Variants in CAMTA1 observed in about 807,000 individuals in gnomAD.
CAMTA1 encodes the protein calmodulin binding transcription activator 1.
CAMTA1 carries 27 observed loss-of-function variants against 170.9 expected under a neutral mutation model. The ratio of observed to expected loss-of-function variants is 0.16; its 90% confidence interval spans 0.12 to 0.22. The LOEUF (loss-of-function observed/expected upper bound fraction) is 0.22. Ranked by LOEUF, CAMTA1 falls within the 10% of genes least tolerant of loss-of-function variation. The pLI is 1.00. For synonymous variants in CAMTA1, 833 were observed against 891.5 expected (o/e 0.93, Z 1.17); for missense variants, 1,619 against 2,217.2 (o/e 0.73, Z 5.42).
At chr1:7,103,564 CACA>C (rs1258795633) in intron 4 of CAMTA1, among the ~76,000 whole-genome samples, 5 of 55,278 alleles carry the variant, frequency 9.0e-5, no homozygotes, top group Non-Finnish European at 1.9e-4. Flanking sequence ...CACACATACA[CACA>C]ACACAACTAC....
chr1:6,813,148 T>C (rs1159664951), intron 1 of CAMTA1, among the ~76,000 whole-genome samples: 1 of 152,230 alleles, frequency 6.6e-6, no homozygotes, highest in African/African-American at 2.4e-5. Context: ...AGTGGTAATA[T>C]GTGAGCACAT....
chr1:7,648,441 C>T (rs1292525851), intron 7 of CAMTA1, among the ~76,000 whole-genome samples: 1 of 151,670 alleles, frequency 6.6e-6, no homozygotes, highest in Non-Finnish European at 1.5e-5. Flanking sequence ...AAAAACTTTT[C>T]CCCCATGGAG....
intron 5 of CAMTA1, among the ~76,000 whole-genome samples, chr1:7,310,604 C>T (rs36184831): frequency 0.1 from 932 of 9,264 alleles, 29 homozygotes; most frequent in African/African-American, 0.11. Context: ...CTTTTCTTTT[C>T]TTTCTTTCTT....
chr1:7,069,969 G>C (rs1638392422), intron 3 of CAMTA1, among the ~76,000 whole-genome samples: 1 of 152,234 alleles, frequency 6.6e-6, no homozygotes. Flanking sequence ...AGAGCTCTGC[G>C]CCTGCTACTC....
intron 4 of CAMTA1, among the ~76,000 whole-genome samples, chr1:7,227,911 G>A (rs1558276091): frequency 1.3e-5 from 2 of 148,798 alleles, no homozygotes; most frequent in South Asian, 2.1e-4. Flanking sequence ...CAAGAAAGAA[G>A]GGCCAAGGCG....
In CAMTA1 at chr1:7,276,305, T is replaced by TA. The variant is rs1558345669; in HGVS notation, c.438+26679_438+26680insA. Among the ~76,000 whole-genome samples the TA allele has an allele frequency of 8.4e-4, 17 of 20,142 alleles. No individual in the cohort carries two copies. The East Asian group carries it at 0.012, about 14-fold the overall frequency. 13.2% of individuals were successfully genotyped at this position (20,142 alleles called of 152,430 possible). A position where few individuals can be genotyped will look rare whatever the true frequency, so the allele number is the denominator to read the frequency against. Reference sequence around the variant, plus strand: ...TATATATATATATATATATATATATTTTTTTTTTTTTTTTTTCTTTTTGAG... The same window carrying TA: ...TATATATATATATATATATATATATTATTTTTTTTTTTTTTTTCTTTTTGAG... On this transcript the variant is annotated intron_variant, in intron 5 of 22. Transcript: ENST00000303635.
At chr1:7,027,319 CA>C (rs1311580876) in intron 3 of CAMTA1, among the ~76,000 whole-genome samples, 1 of 152,150 alleles carries the variant, frequency 6.6e-6, no homozygotes, top group Non-Finnish European at 1.5e-5. Flanking sequence ...GGATCAATAG[CA>C]ATGCTTGCAC....
At chr1:6,874,949 A>G (rs1669412629) in intron 3 of CAMTA1, among the ~76,000 whole-genome samples, 1 of 152,166 alleles carries the variant, frequency 6.6e-6, no homozygotes, top group African/African-American at 2.4e-5. Context: ...GGTGGAAGGG[A>G]CATCACTGCC....
chr1:7,067,685 C>G lies in CAMTA1; in HGVS notation c.235-23619C>G, dbSNP rs111762826. Among the ~76,000 whole-genome samples, 394 of 152,302 alleles carry G rather than the reference C, an allele frequency of 2.6e-3. 2 individuals carry two copies. The highest frequency in any genetic ancestry group is 9.1e-3 in the African/African-American group (377 of 41,562). On this transcript the variant is annotated intron_variant, in intron 3 of 22. Transcript: ENST00000303635. This position sits in a 1 kb window ranked among gnomAD's most constrained non-coding sequence, Gnocchi z 4.3. Reference sequence around the variant, plus strand: ...GATCAGTTTTACCAGGCAAGGGCAACTTTTGATGGTTTCCCCAATAGCATT... The same window carrying G: ...GATCAGTTTTACCAGGCAAGGGCAAGTTTTGATGGTTTCCCCAATAGCATT...
At chr1:6,899,797 AT>A (rs1225682473) in intron 3 of CAMTA1, among the ~76,000 whole-genome samples, 1 of 152,236 alleles carries the variant, frequency 6.6e-6, no homozygotes, top group Non-Finnish European at 1.5e-5. Flanking sequence ...GCAGCAATAC[AT>A]TTTAAACACA....
chr1:7,605,904 A>T (rs1365108620), intron 6 of CAMTA1, among the ~76,000 whole-genome samples: 1 of 152,226 alleles, frequency 6.6e-6, no homozygotes, highest in African/African-American at 2.4e-5. Flanking sequence ...TCTGTGGCCT[A>T]GTCAAGCTGA....
intron 3 of CAMTA1, among the ~76,000 whole-genome samples, chr1:6,890,979 G>C (rs1182688644): frequency 6.6e-6 from 1 of 152,178 alleles, no homozygotes; most frequent in Non-Finnish European, 1.5e-5. Flanking sequence ...AGTTTCTTTA[G>C]CTGTGAAATA....
intron 6 of CAMTA1, among the ~76,000 whole-genome samples, chr1:7,625,135 G>T (rs1202214977): frequency 1.3e-5 from 2 of 152,176 alleles, no homozygotes; most frequent in African/African-American, 2.4e-5. Flanking sequence ...GCCAGGAAAG[G>T]TTAGCAGTGG....
At chr1:7,520,172 G>T (rs2094341473) in intron 6 of CAMTA1, among the ~76,000 whole-genome samples, 1 of 110,564 alleles carries the variant, frequency 9.0e-6, no homozygotes, top group African/African-American at 3.5e-5. Flanking sequence ...CCGCCTCTCA[G>T]GCCTCAGCTG....
At chr1:7,345,722 T>G (rs2084173860) in intron 5 of CAMTA1, among the ~76,000 whole-genome samples, 1 of 152,170 alleles carries the variant, frequency 6.6e-6, no homozygotes, top group Non-Finnish European at 1.5e-5. Flanking sequence ...GTTAACGACA[T>G]CAGGGCTGGG....
rs2149354342 is a variant in CAMTA1, at chr1:7,429,604, G to A, written c.439-38226G>A. ...GATGCTGGTGGCAGTGGTGAATGGT[G>A]ATGCTGATGGTGGTGATGGTGATAA... On this transcript the variant is annotated intron_variant, in intron 5 of 22. Coordinates refer to ENST00000303635, the MANE Select transcript of CAMTA1 (RefSeq NM_015215.4). Among the ~76,000 whole-genome samples, 5 of 151,388 alleles carry A rather than the reference G, an allele frequency of 3.3e-5. 1 individual carries two copies. The Middle Eastern group carries it at 0.017, about 518-fold the overall frequency.
chr1:6,991,571 C>G (rs1696372930), intron 3 of CAMTA1, among the ~76,000 whole-genome samples: 1 of 152,160 alleles, frequency 6.6e-6, no homozygotes, highest in Non-Finnish European at 1.5e-5. Context: ...GTGGATTTCC[C>G]TTTTGTTAGT....
At chr1:7,407,336 AG>A (rs2090370595) in intron 5 of CAMTA1, among the ~76,000 whole-genome samples, 1 of 152,104 alleles carries the variant, frequency 6.6e-6, no homozygotes, top group Admixed American at 6.5e-5. Flanking sequence ...AGGCTCGGGG[AG>A]GGCACAGGCT....
At chr1:7,239,353 A>C (rs766128922) in intron 4 of CAMTA1, among the ~76,000 whole-genome samples, 3 of 152,332 alleles carry the variant, frequency 2.0e-5, no homozygotes, top group Non-Finnish European at 4.4e-5. Flanking sequence ...ACAGTATCCA[A>C]GTAAGGTCTA....
Sources: allele counts gnomAD v4.1 joint callset (sites outside exome capture counted in the v4.1 genomes callset), GRCh38; gene constraint gnomAD v4.1.1; non-coding constraint Gnocchi (gnomAD v3.1); transcripts MANE v1.5; gene names NCBI Gene and HGNC (gene_info 2026-07-23, HGNC 2026-07-21).